The following DNAL4 variants were observed in gnomAD, a reference collection of about 807,000 sequenced individuals.
The protein encoded by DNAL4 is dynein light chain, outer arm 4.
A neutral mutation model predicts 12.6 loss-of-function variants in DNAL4; 10 were observed. The observed-to-expected ratio is 0.79, with a 90% CI of 0.49 to 1.34. The LOEUF is 1.34. DNAL4 is among the 40% of genes most tolerant of loss of function. The pLI is 0.00. For missense variants in DNAL4, 128 were observed against 138.1 expected, an observed-to-expected ratio of 0.93 and a Z score of 0.37; for synonymous variants, 46 against 53.1, an observed-to-expected ratio of 0.87 and a Z score of 0.58.
intron 1 of DNAL4, among the ~76,000 whole-genome samples, chr22:38,783,128 G>C (rs1002294284): frequency 2.0e-5 from 3 of 152,190 alleles, no homozygotes; most frequent in Non-Finnish European, 4.4e-5. Flanking sequence ...AGGCCTGCAG[G>C]ATGGAGGCTT....
rs1411562835 is a variant in DNAL4 at position 38,782,041 on chromosome 22, A to G, written c.69+622T>C. Among the ~76,000 whole-genome samples, 4 of 152,358 alleles carry G rather than the reference A, an allele frequency of 2.6e-5. No homozygotes were observed. On this transcript the variant is annotated intron_variant, in intron 2 of 3. Transcript: ENST00000216068. The surrounding 1 kb of genome is among the most constrained non-coding windows in gnomAD (Gnocchi z 5.1). ...CAGTGTTCCCCCTTCGATTCAGGAC[A>G]GAACCCACAGTTCTCACCACATTCT... is the stretch of plus-strand genomic sequence containing the variant.
rs1253803118 is a variant in DNAL4, at chr22:38,779,621, G to A, written c.154-8C>T. 4 of 1,593,336 alleles carry A rather than the reference G, an allele frequency of 2.5e-6. No homozygotes were observed. The highest frequency in any genetic ancestry group is 1.7e-6 in the Non-Finnish European group (2 of 1,168,590). ...GATCATCTTGGCGGCGCTCTGGAAG[G>A]AAGAGGGCACTTATCAAGGGGGCGC... On this transcript the variant is annotated splice_polypyrimidine_tract_variant and splice_region_variant and intron_variant, in intron 3 of 3. Transcript: ENST00000216068. This position sits in a 1 kb window ranked among gnomAD's most constrained non-coding sequence, Gnocchi z 4.3.
chr22:38,789,523 AC>A (rs1188564873), intron 1 of DNAL4, among the ~76,000 whole-genome samples: 1 of 152,138 alleles, frequency 6.6e-6, no homozygotes, highest in Non-Finnish European at 1.5e-5. Context: ...CAATTTGCCC[AC>A]CTCAGCCTCC....
intron 3 of DNAL4, 146 bp downstream of exon 3, chr22:38,780,780 C>T (rs2093033054): frequency 1.3e-6 from 1 of 788,162 alleles, no homozygotes; most frequent in Admixed American, 2.8e-5. Flanking sequence ...CACTCACTGA[C>T]TTTCCCCAGA....
rs930095416 is a variant in DNAL4, at chr22:38,779,234, G to A, written c.*215C>T. ...CACACAGACCCATGCCCGCTGCCCCGTCCACACCCTGAGACTCCGAGGGAG... is the reference window on the plus strand; with the variant it reads ...CACACAGACCCATGCCCGCTGCCCCATCCACACCCTGAGACTCCGAGGGAG... On this transcript the variant is annotated 3_prime_UTR_variant, in exon 4 of 4. Transcript: ENST00000216068. This position sits in a 1 kb window ranked among gnomAD's most constrained non-coding sequence, Gnocchi z 4.3. 1.4e-5 allele frequency: 8 copies of A among 580,174 alleles called. No homozygotes were observed. The highest frequency in any genetic ancestry group is 6.4e-5 in the South Asian group (2 of 31,430). 35.9% of individuals were successfully genotyped at this position (580,174 alleles called of 1,614,324 possible).
In DNAL4 at chr22:38,789,878, A is replaced by G. The variant is rs1017284532; in HGVS notation, c.-140+4190T>C. 3.7e-4 allele frequency among the ~76,000 whole-genome samples: 57 copies of G among 152,386 alleles called. 1 individual carries two copies. Among genetic ancestry groups the G allele is most frequent in the African/African-American group, 1.3e-3 (53 of 41,588 alleles). On this transcript the variant is annotated intron_variant, in intron 1 of 3. Coordinates refer to ENST00000216068, the MANE Select transcript of DNAL4 (RefSeq NM_005740.3). ...CAGGCGGATGAACACAACAGTGCCA[A>G]GGCAGAAAGTACAAAGCATCTTCTG... is the stretch of plus-strand genomic sequence containing the variant.
Position 38,783,283 on chromosome 22 carries a change from TACACGGGCCTTCCCTCCCACTACAC to T in DNAL4, c.-139-438_-139-414del, listed in dbSNP as rs1569317517. ...CACACGGGCCTTCCCTCCCACTACA[TACACGGGCCTTCCCTCCCACTACAC>T]ACACGGGCCTTCCCTCCCACTACAC... is the stretch of plus-strand genomic sequence containing the variant. On this transcript the variant is annotated intron_variant, in intron 1 of 3. Coordinates refer to ENST00000216068, the MANE Select transcript of DNAL4 (RefSeq NM_005740.3). Among the ~76,000 whole-genome samples, 76 of 127,456 alleles carry T rather than the reference TACACGGGCCTTCCCTCCCACTACAC, an allele frequency of 6.0e-4. 1 individual carries two copies. The highest frequency in any genetic ancestry group is 7.4e-5 in the Admixed American group (1 of 13,510). 83.6% of individuals were successfully genotyped at this position (127,456 alleles called of 152,430 possible).
chr22:38,778,722 C>T lies in DNAL4; in HGVS notation c.*727G>A. ...TGCGGAAGCAGCCTCGTGGTGAGAGCACTCCTGCCCAGGTGTCCCACCAGA... is the reference window on the plus strand; with the variant it reads ...TGCGGAAGCAGCCTCGTGGTGAGAGTACTCCTGCCCAGGTGTCCCACCAGA... On this transcript the variant is annotated 3_prime_UTR_variant, in exon 4 of 4. Coordinates refer to ENST00000216068, the MANE Select transcript of DNAL4 (RefSeq NM_005740.3). 1 of 152,846 alleles carries T rather than the reference C, an allele frequency of 6.5e-6. No individual in the cohort carries two copies. Among genetic ancestry groups the T allele is most frequent in the Non-Finnish European group, 1.5e-5 (1 of 68,096 alleles). 9.5% of individuals were successfully genotyped at this position (152,846 alleles called of 1,614,324 possible). A position where few individuals can be genotyped will look rare whatever the true frequency, so the allele number is the denominator to read the frequency against.
chr22:38,791,286 G>A (rs1193734582), intron 1 of DNAL4, among the ~76,000 whole-genome samples: 1 of 152,140 alleles, frequency 6.6e-6, no homozygotes, highest in Non-Finnish European at 1.5e-5. Context: ...GGGAGAATCA[G>A]TGAATGAGTG....
At position 38,792,093 on chromosome 22, in the gene DNAL4, A is replaced by G. The variant is rs997038464; in HGVS notation, c.-140+1975T>C. Reference sequence around the variant, plus strand: ...TATAGAAAATATTTTTCTTTCTTCCATAATAAGTTAACCTTAGCTTACTGT... The same window carrying G: ...TATAGAAAATATTTTTCTTTCTTCCGTAATAAGTTAACCTTAGCTTACTGT... On this transcript the variant is annotated intron_variant, in intron 1 of 3. Coordinates refer to ENST00000216068, the MANE Select transcript of DNAL4 (RefSeq NM_005740.3). Among the ~76,000 whole-genome samples, 6 of 152,118 alleles carry G rather than the reference A, an allele frequency of 3.9e-5. No homozygotes were observed. In the South Asian group the frequency reaches 6.2e-4, roughly 16 times the overall value.
intron 1 of DNAL4, among the ~76,000 whole-genome samples, chr22:38,788,481 G>C (rs1265894078): frequency 6.6e-6 from 1 of 152,176 alleles, no homozygotes; most frequent in East Asian, 1.9e-4. Flanking sequence ...TGGAGGGAAG[G>C]AGAGGAGGGA....
chr22:38,781,038 G>C (rs2146163391), intron 2 of DNAL4, 29 bp from the exon 3 acceptor site: 1 of 1,613,268 alleles, frequency 6.2e-7, no homozygotes, highest in Non-Finnish European at 8.5e-7. Flanking sequence ...TAACAAACAA[G>C]AGACAGGCTT....
chr22:38,789,400 CAG>C (rs10606353), intron 1 of DNAL4, among the ~76,000 whole-genome samples: 14,554 of 152,196 alleles, frequency 0.096, 832 homozygotes, highest in East Asian at 0.15. Flanking sequence ...CTACCACACT[CAG>C]TGGTGGCACA....
chr22:38,791,040 G>T (rs765941952), intron 1 of DNAL4, among the ~76,000 whole-genome samples: 1 of 151,944 alleles, frequency 6.6e-6, no homozygotes, highest in South Asian at 2.1e-4. Context: ...TGTGGCGCGC[G>T]CCTGTAATCC....
At chr22:38,780,680 ACATGGGCAGGGGCGT>A in intron 3 of DNAL4, 1 of 492,026 alleles carries the variant, frequency 2.0e-6, no homozygotes, top group Non-Finnish European at 3.7e-6. Flanking sequence ...GAGGCAGGGA[ACATGGGCAGGGGCGT>A]CATGGAGACC....
chr22:38,779,825 C>T lies in DNAL4; in HGVS notation c.154-212G>A, dbSNP rs1171871812. Among the ~76,000 whole-genome samples, 1 of 152,182 alleles carries T rather than the reference C, an allele frequency of 6.6e-6. No individual in the cohort carries two copies. Among genetic ancestry groups the T allele is most frequent in the Non-Finnish European group, 1.5e-5 (1 of 68,034 alleles). The stretch of plus-strand genomic sequence containing the variant: ...CAGGCACAGAAAACTAGACATTACT[C>T]AGCAGTCAAGAAGAAACTGGCTGAG... On this transcript the variant is annotated intron_variant, in intron 3 of 3. Coordinates refer to ENST00000216068, the MANE Select transcript of DNAL4 (RefSeq NM_005740.3). This position sits in a 1 kb window ranked among gnomAD's most constrained non-coding sequence, Gnocchi z 4.3.
chr22:38,784,636 A>C, intron 1 of DNAL4, among the ~76,000 whole-genome samples: 1 of 150,986 alleles, frequency 6.6e-6, no homozygotes, highest in East Asian at 2.0e-4. Context: ...TCAGCCTCCC[A>C]AGTAGCTGGG....
rs1291674623 is a variant in DNAL4, at chr22:38,780,936, T to G, written c.143A>C (p.Asn48Thr). The G allele has an allele frequency of 6.2e-7, 1 of 1,614,078 alleles. No individual in the cohort carries two copies. The highest frequency in any genetic ancestry group is 8.5e-7 in the Non-Finnish European group (1 of 1,180,016). The change falls in exon 3 of 4, where the codon AAC becomes ACC. Residue 48 changes from asparagine to threonine, a missense_variant. By Grantham distance (65) the Asn-to-Thr change is moderately conservative. Transcript: ENST00000216068. ...LCVTACEKFS[N>T]NNESAAKMIK... ...CACTGCTGGCAATACCTCGTTGTTG[T>G]TGGAGAATTTCTCACAGGCTGTGAC...
chr22:38,789,130 T>G (rs929562260), intron 1 of DNAL4, among the ~76,000 whole-genome samples: 1 of 152,208 alleles, frequency 6.6e-6, no homozygotes, highest in African/African-American at 2.4e-5. Context: ...CCTCCCCCAG[T>G]CACTCTGTCA....
Sources: gnomAD v4.1 joint callset for allele counts (sites outside exome capture counted in the v4.1 genomes callset) on GRCh38, gnomAD v4.1.1 for gene constraint, Gnocchi (gnomAD v3.1) non-coding constraint, MANE v1.5 for transcripts, NCBI Gene and HGNC (gene_info 2026-07-23, HGNC 2026-07-21) for gene names.